C12orf42: variants seen among roughly 807,000 people sequenced by gnomAD.
The protein encoded by C12orf42 is uncharacterized protein C12orf42.
C12orf42 carries 25 observed loss-of-function variants against 21.6 expected under a neutral mutation model. The observed-to-expected ratio is 1.16, with a 90% CI of 0.84 to 1.62. The LOEUF is 1.62. C12orf42 is among the 40% of genes most tolerant of loss of function. The probability of loss-of-function intolerance (pLI) is 0.00; values close to 1 mark genes in which losing one functional copy is unlikely to be tolerated. For missense variants in C12orf42, 483 were observed against 459.3 expected, an observed-to-expected ratio of 1.05 and a Z score of -0.47; for synonymous variants, 174 against 175.0, an observed-to-expected ratio of 0.99 and a Z score of 0.05.
At chr12:103,108,021 A>T in the C12orf42 span, among the ~76,000 whole-genome samples, 1 of 151,604 alleles carries the variant, frequency 6.6e-6, no homozygotes, top group Non-Finnish European at 1.5e-5. Flanking sequence ...ACTATAATTG[A>T]TTAAAGAAAA....
the C12orf42 span, among the ~76,000 whole-genome samples, chr12:103,217,895 G>A: frequency 3.9e-5 from 6 of 152,054 alleles, no homozygotes; most frequent in Non-Finnish European, 5.9e-5. Flanking sequence ...CAGAGCCCCT[G>A]GTTATCTCAC....
the C12orf42 span, among the ~76,000 whole-genome samples, chr12:103,535,001 T>C: frequency 6.6e-6 from 1 of 152,176 alleles, no homozygotes; most frequent in Non-Finnish European, 1.5e-5. Flanking sequence ...ATTATCTCAA[T>C]CTATGGAGAC....
At chr12:103,299,321 G>T (rs1032256129), downstream of C12orf42, among the ~76,000 whole-genome samples, 6 of 151,590 alleles carry the variant, frequency 4.0e-5, no homozygotes, top group Non-Finnish European at 8.8e-5. Flanking sequence ...ACAGTCTCTA[G>T]TACAATACAC....
At chr12:103,352,122 T>C (rs1039220756) in intron 4 of C12orf42, among the ~76,000 whole-genome samples, 4 of 152,122 alleles carry the variant, frequency 2.6e-5, no homozygotes, top group African/African-American at 9.7e-5. Context: ...TCTTCTTCTC[T>C]TACTCTTGGA....
the C12orf42 span, among the ~76,000 whole-genome samples, chr12:103,196,613 C>CAT: frequency 0.019 from 2,919 of 152,040 alleles, 34 homozygotes; most frequent in East Asian, 0.028. Flanking sequence ...TAGTGTTGGG[C>CAT]ATATATATAT....
chr12:103,216,294 G>C, the C12orf42 span, among the ~76,000 whole-genome samples: 4 of 151,948 alleles, frequency 2.6e-5, no homozygotes, highest in African/African-American at 7.3e-5. Context: ...AATTATTTGT[G>C]TTCTGTTATT....
At chr12:103,197,494 G>A in the C12orf42 span, among the ~76,000 whole-genome samples, 1 of 152,112 alleles carries the variant, frequency 6.6e-6, no homozygotes, top group Admixed American at 6.5e-5. Context: ...TCCTTGGATT[G>A]GGTTTCAATT....
chr12:103,350,446 A>G (rs1160265165), intron 4 of C12orf42, among the ~76,000 whole-genome samples: 1 of 152,202 alleles, frequency 6.6e-6, no homozygotes. Context: ...GTTTTAGTTA[A>G]TAATGGCACC....
chr12:103,195,867 A>T, the C12orf42 span, among the ~76,000 whole-genome samples: 18 of 152,126 alleles, frequency 1.2e-4, no homozygotes, highest in Non-Finnish European at 2.1e-4. Context: ...GCCAGAGCCT[A>T]TATTCAGAAT....
chr12:103,162,032 C>T, the C12orf42 span, among the ~76,000 whole-genome samples: 20 of 152,290 alleles, frequency 1.3e-4, no homozygotes, highest in African/African-American at 4.1e-4. Flanking sequence ...CCCAGCCCCC[C>T]TTCCCTTTTC....
intron 4 of C12orf42, among the ~76,000 whole-genome samples, chr12:103,311,603 T>C (rs572609380): frequency 1.4e-4 from 22 of 152,332 alleles, no homozygotes; most frequent in African/African-American, 5.1e-4. Flanking sequence ...TGGCTTTTAT[T>C]AATAGTATTC....
intron 1 of C12orf42, among the ~76,000 whole-genome samples, chr12:103,487,955 A>G (rs1954946454): frequency 6.6e-6 from 1 of 152,188 alleles, no homozygotes; most frequent in South Asian, 2.1e-4. Flanking sequence ...GCCCATTTAC[A>G]TTTAAGGTTA....
chr12:103,189,891 G>C, the C12orf42 span, among the ~76,000 whole-genome samples: 502 of 152,246 alleles, frequency 3.3e-3, 2 homozygotes, highest in African/African-American at 0.011. Flanking sequence ...CTTTATCAAG[G>C]TCCAGTGTGA....
intron 10 of C12orf42, among the ~76,000 whole-genome samples, chr12:103,249,324 A>G (rs1255776772): frequency 1.3e-5 from 2 of 152,114 alleles, no homozygotes. Flanking sequence ...GCAGGACTTA[A>G]AGAGTAATTA....
the C12orf42 span, among the ~76,000 whole-genome samples, chr12:103,204,955 G>A: frequency 1.1e-4 from 16 of 152,134 alleles, no homozygotes; most frequent in South Asian, 1.7e-3. Context: ...GGCAAAAACA[G>A]CCTCCTCTAC....
chr12:103,383,874 G>A (rs1208599317), intron 3 of C12orf42, among the ~76,000 whole-genome samples: 1 of 152,086 alleles, frequency 6.6e-6, no homozygotes, highest in Non-Finnish European at 1.5e-5. Flanking sequence ...ATCATGATTG[G>A]GCTAAAATCA....
At chr12:103,189,988 C>T in the C12orf42 span, among the ~76,000 whole-genome samples, 1 of 131,590 alleles carries the variant, frequency 7.6e-6, no homozygotes, top group African/African-American at 2.6e-5. Context: ...TATATATACA[C>T]ACACACACAC....
At chr12:103,203,922 A>G in the C12orf42 span, among the ~76,000 whole-genome samples, 1 of 152,210 alleles carries the variant, frequency 6.6e-6, no homozygotes, top group Non-Finnish European at 1.5e-5. Context: ...TTTATTTTTG[A>G]TAGGAAGGAC....
intron 2 of C12orf42, among the ~76,000 whole-genome samples, chr12:103,439,222 T>C (rs1220246794): frequency 1.3e-5 from 2 of 151,540 alleles, no homozygotes; most frequent in Admixed American, 6.6e-5. Context: ...AAGCTGAAAC[T>C]GGATCCCTTC....
Sources: allele counts gnomAD v4.1 joint callset (sites outside exome capture counted in the v4.1 genomes callset), GRCh38; gene constraint gnomAD v4.1.1; transcripts MANE v1.5; gene names NCBI Gene and HGNC (gene_info 2026-07-23, HGNC 2026-07-21).